RNF217: variants seen among roughly 807,000 people sequenced by gnomAD.
RNF217 encodes the protein E3 ubiquitin-protein ligase RNF217.
In RNF217, 31 loss-of-function variants were observed where a neutral mutation model predicts 57.8. The observed-to-expected ratio is 0.54, with a 90% CI of 0.40 to 0.72. The LOEUF (loss-of-function observed/expected upper bound fraction) is 0.72, where lower values mean the gene tolerates loss of function less well. RNF217 is among the 30% of genes least tolerant of loss of function. The pLI is 0.00. For synonymous variants in RNF217, 313 were observed against 294.0 expected (o/e 1.06, Z -0.66); for missense variants, 696 against 708.3 (o/e 0.98, Z 0.20).
intron 1 of RNF217, among the ~76,000 whole-genome samples, chr6:125,033,878 A>T (rs1786478802): frequency 6.6e-6 from 1 of 151,926 alleles, no homozygotes; most frequent in Non-Finnish European, 1.5e-5. Context: ...CTTTTTAATG[A>T]TTGCCATTCT....
At position 125,074,546 on chromosome 6, in the gene RNF217, A is replaced by C. The variant is rs189487700; in HGVS notation, c.1282-2111A>C. On this transcript the variant is annotated intron_variant, in intron 3 of 5. Transcript: ENST00000521654. ...GAAATACTGCACATAATTTGGAGTT[A>C]GGAACTTCAAAAACTTTTTATTCCT... Among the ~76,000 whole-genome samples, 4 of 152,328 alleles carry C rather than the reference A, an allele frequency of 2.6e-5. No individual in the cohort carries two copies. The East Asian group carries it at 7.7e-4, about 29-fold the overall frequency.
chr6:125,038,026 G>T lies in RNF217; in HGVS notation c.883-7185G>T, dbSNP rs1236823027. 2.0e-5 allele frequency among the ~76,000 whole-genome samples: 3 copies of T among 152,084 alleles called. No homozygotes were observed. In the East Asian group the frequency reaches 5.8e-4, roughly 29 times the overall value. On this transcript the variant is annotated intron_variant, in intron 1 of 5. Transcript: ENST00000521654. ...TAATTAGTCTGCCACTTTTCCAGAGGTCTTCATCACCTGAGTCATTAAATT... is the reference window on the plus strand; with the variant it reads ...TAATTAGTCTGCCACTTTTCCAGAGTTCTTCATCACCTGAGTCATTAAATT...
intron 1 of RNF217, among the ~76,000 whole-genome samples, chr6:124,991,435 A>T (rs1237179182): frequency 2.0e-5 from 3 of 151,928 alleles, no homozygotes; most frequent in Non-Finnish European, 4.4e-5. Context: ...ACCAACCCTC[A>T]TCCCCCCCAT....
chr6:124,999,899 C>T (rs187005959), intron 1 of RNF217, among the ~76,000 whole-genome samples: 67 of 152,234 alleles, frequency 4.4e-4, no homozygotes, highest in African/African-American at 1.6e-3. Flanking sequence ...GGTCCCAGAA[C>T]AATTATACCA....
intron 1 of RNF217, among the ~76,000 whole-genome samples, chr6:125,014,391 GA>G (rs769455446): frequency 6.6e-6 from 1 of 152,160 alleles, no homozygotes; most frequent in Non-Finnish European, 1.5e-5. Flanking sequence ...TGTAGATGAG[GA>G]AACTGAATTA....
chr6:124,992,344 A>T (rs1784590338), intron 1 of RNF217, among the ~76,000 whole-genome samples: 1 of 152,190 alleles, frequency 6.6e-6, no homozygotes, highest in Non-Finnish European at 1.5e-5. Context: ...ATATTAAAAC[A>T]TGTTTTCTAT....
At chr6:124,995,291 CA>C (rs1784708043) in intron 1 of RNF217, among the ~76,000 whole-genome samples, 1 of 152,010 alleles carries the variant, frequency 6.6e-6, no homozygotes, top group South Asian at 2.1e-4. Flanking sequence ...AAAAATAGAA[CA>C]GTAACAATAT....
At chr6:125,075,797 A>C (rs1001406472) in intron 3 of RNF217, among the ~76,000 whole-genome samples, 2 of 152,186 alleles carry the variant, frequency 1.3e-5, no homozygotes, top group African/African-American at 4.8e-5. Context: ...TTTCTATACA[A>C]TATCTTTCCA....
At chr6:124,993,704 G>A (rs34727287) in intron 1 of RNF217, among the ~76,000 whole-genome samples, 12,226 of 152,268 alleles carry the variant, frequency 0.08, 678 homozygotes, top group Non-Finnish European at 0.12. Flanking sequence ...GGAAGGCCGG[G>A]TAGGCCAGCT....
At chr6:125,035,501 T>G (rs572966495) in intron 1 of RNF217, among the ~76,000 whole-genome samples, 15 of 152,324 alleles carry the variant, frequency 9.8e-5, no homozygotes, top group African/African-American at 3.6e-4. Flanking sequence ...CTATTTTTCT[T>G]ATGGGTTTGT....
At chr6:125,029,913 T>C (rs1786276177) in intron 1 of RNF217, among the ~76,000 whole-genome samples, 1 of 152,180 alleles carries the variant, frequency 6.6e-6, no homozygotes, top group South Asian at 2.1e-4. Flanking sequence ...GGGACATAGC[T>C]GCTTTGTTAC....
intron 3 of RNF217, among the ~76,000 whole-genome samples, chr6:125,066,737 GA>G (rs112247982): frequency 0.039 from 5,967 of 152,228 alleles, 357 homozygotes; most frequent in African/African-American, 0.13. Flanking sequence ...TGTGAGAGCA[GA>G]GATTTGATCT....
At position 125,032,948 on chromosome 6, in the gene RNF217, A is replaced by G. The variant is rs190778796; in HGVS notation, c.883-12263A>G. Among the ~76,000 whole-genome samples the G allele has an allele frequency of 3.9e-5, 6 of 152,266 alleles. No individual in the cohort carries two copies. The East Asian group carries it at 1.2e-3, about 29-fold the overall frequency. On this transcript the variant is annotated intron_variant, in intron 1 of 5. Transcript: ENST00000521654. ...TAAACATTGTTTTGGGGAACCTTTA[A>G]GTACTATGATAACTCTTTCCAAATT...
At chr6:125,046,180 GCTT>G (rs1459179982) in intron 2 of RNF217, among the ~76,000 whole-genome samples, 2 of 152,090 alleles carry the variant, frequency 1.3e-5, no homozygotes, top group African/African-American at 4.8e-5. Flanking sequence ...CTAAGGCCAG[GCTT>G]CTTGTAATCA....
Position 125,019,724 on chromosome 6 carries a change from C to T in RNF217, c.883-25487C>T, listed in dbSNP as rs571968397. 3.9e-5 allele frequency among the ~76,000 whole-genome samples: 6 copies of T among 152,040 alleles called. No homozygotes were observed. In the East Asian group the frequency reaches 1.2e-3, roughly 29 times the overall value. On this transcript the variant is annotated intron_variant, in intron 1 of 5. Transcript: ENST00000521654. ...ACACTGTCTGGTGCCCTCTGTCTTT[C>T]TCCAACACTTACTGGTGCTAGGCCT...
chr6:125,019,707 T>C (rs1785750516), intron 1 of RNF217, among the ~76,000 whole-genome samples: 1 of 152,104 alleles, frequency 6.6e-6, no homozygotes, highest in Non-Finnish European at 1.5e-5. Context: ...GCACACTGTC[T>C]GGTGCCCTCT....
At chr6:125,073,841 T>C (rs1788245086) in intron 3 of RNF217, among the ~76,000 whole-genome samples, 1 of 152,216 alleles carries the variant, frequency 6.6e-6, no homozygotes, top group Non-Finnish European at 1.5e-5. Flanking sequence ...CAACTTTATA[T>C]TGACCTGACT....
At chr6:124,975,810 G>T (rs1229849015) in intron 1 of RNF217, among the ~76,000 whole-genome samples, 1 of 151,994 alleles carries the variant, frequency 6.6e-6, no homozygotes, top group Admixed American at 6.6e-5. Flanking sequence ...TGCTCTTGGT[G>T]GAAAACAATA....
At position 124,963,364 on chromosome 6, in the gene RNF217, C is replaced by T; in HGVS notation, c.820C>T (p.Pro274Ser). ...GTGCCTGGAAGACAAGCCCATCAAG[C>T]CCCTGCCTTGCTGCAAGAAGGCCGT... ...RVCLEDKPIKPLPCCKKAVCE... is the reference protein window; with the variant it reads ...RVCLEDKPIKSLPCCKKAVCE... Residue 274 changes from proline to serine, a missense_variant, in exon 1 of 6, where the codon CCC (proline) becomes TCC (serine). By Grantham distance (74) the Pro-to-Ser change is moderately conservative. Transcript: ENST00000521654. 1 of 1,524,584 alleles carries T rather than the reference C, an allele frequency of 6.6e-7. No individual in the cohort carries two copies. Among genetic ancestry groups the T allele is most frequent in the Non-Finnish European group, 8.8e-7 (1 of 1,141,806 alleles). The allele number at this position is 1,524,584 out of a possible 1,614,324, so 94.4% of individuals were successfully genotyped here.
Sources: gnomAD v4.1 joint callset for allele counts (sites outside exome capture counted in the v4.1 genomes callset) on GRCh38, gnomAD v4.1.1 for gene constraint, MANE v1.5 for transcripts, NCBI Gene and HGNC (gene_info 2026-07-23, HGNC 2026-07-21) for gene names.